The following CTNND1 variants were observed in gnomAD, a reference collection of about 807,000 sequenced individuals.
CTNND1 encodes the protein catenin delta 1.
Under a neutral mutation model 112.1 loss-of-function variants are expected in CTNND1, and 16 were observed. The observed-to-expected ratio is 0.14, with a 90% CI of 0.10 to 0.22. CTNND1 has a LOEUF of 0.22. Ranked by LOEUF, CTNND1 falls within the 10% of genes least tolerant of loss-of-function variation. The probability of loss-of-function intolerance (pLI) is 1.00; values close to 1 mark genes in which losing one functional copy is unlikely to be tolerated. For synonymous variants in CTNND1, 420 were observed against 446.5 expected (o/e 0.94, Z 0.75); for missense variants, 1,008 against 1,257.0 (o/e 0.80, Z 3.00).
intron 2 of CTNND1, among the ~76,000 whole-genome samples, chr11:57,790,184 C>A (rs574717399): frequency 6.6e-6 from 1 of 152,144 alleles, no homozygotes; most frequent in African/African-American, 2.4e-5. Flanking sequence ...TGGGTTCACG[C>A]AATTCTCATG....
chr11:57,762,326 C>A (rs1162352000), intron 1 of CTNND1, among the ~76,000 whole-genome samples: 1 of 152,030 alleles, frequency 6.6e-6, no homozygotes, highest in Non-Finnish European at 1.5e-5. Context: ...GGGGTAAGAG[C>A]AGGTTTGAAA....
In CTNND1 at chr11:57,816,505, T is replaced by A. The variant is rs909414635; in HGVS notation, c.*197T>A. 1.6e-6 allele frequency: 1 copy of A among 612,056 alleles called. No individual in the cohort carries two copies. Among genetic ancestry groups the A allele is most frequent in the African/African-American group, 1.9e-5 (1 of 53,918 alleles). The allele number at this position is 612,056 out of a possible 1,614,324, so 37.9% of individuals were successfully genotyped here. ...TGTGAAGTTTAATTGTCTCAACGCC[T>A]CCCCCTCCCCCATTCCCTCCATTTT... On this transcript the variant is annotated 3_prime_UTR_variant, in exon 21 of 21. Coordinates refer to ENST00000399050, the MANE Select transcript of CTNND1 (RefSeq NM_001085458.2).
chr11:57,780,459 C>T (rs1228120154), intron 1 of CTNND1, among the ~76,000 whole-genome samples: 2 of 152,170 alleles, frequency 1.3e-5, no homozygotes, highest in African/African-American at 2.4e-5. Context: ...TCACTACTTA[C>T]TACTAGTTGA....
chr11:57,805,958 A>T lies in CTNND1; in HGVS notation c.1799A>T (p.Tyr600Phe). Residue 600 changes from tyrosine (Y) to phenylalanine (F), a missense_variant, in exon 10 of 21, where the codon TAC becomes TTC. Tyr to Phe is a conservative substitution (Grantham distance 22). Coordinates refer to ENST00000399050, the MANE Select transcript of CTNND1 (RefSeq NM_001085458.2). The stretch of plus-strand genomic sequence containing the variant: ...CGGGAGATCCCACAGGCAGAGCGTT[A>T]CCAAGAGGCAGCTCCCAATGTTGCC... ...VHREIPQAER[Y>F]QEAAPNVANN... is the part of the protein sequence containing the mutation. 6.2e-7 allele frequency: 1 copy of T among 1,613,280 alleles called. No individual in the cohort carries two copies. Among genetic ancestry groups the T allele is most frequent in the Non-Finnish European group, 8.5e-7 (1 of 1,179,580 alleles).
At chr11:57,799,440 G>A (rs368134078) in intron 6 of CTNND1, among the ~76,000 whole-genome samples, 4 of 152,286 alleles carry the variant, frequency 2.6e-5, no homozygotes, top group Non-Finnish European at 5.9e-5. Context: ...GGTAGCACTG[G>A]ACTTGGAAAC....
At chr11:57,790,125 A>T (rs2136620075) in intron 2 of CTNND1, among the ~76,000 whole-genome samples, 1 of 152,328 alleles carries the variant, frequency 6.6e-6, no homozygotes, top group East Asian at 1.9e-4. Flanking sequence ...TCTGTTGTCC[A>T]GCCTGGAGTG....
At chr11:57,784,564 C>G (rs1005902736) in intron 1 of CTNND1, among the ~76,000 whole-genome samples, 3 of 152,044 alleles carry the variant, frequency 2.0e-5, no homozygotes, top group African/African-American at 7.2e-5. Context: ...AGTGCAGTGG[C>G]ACAATCTCGG....
At chr11:57,768,068 C>T (rs1164039362) in intron 1 of CTNND1, among the ~76,000 whole-genome samples, 7 of 152,150 alleles carry the variant, frequency 4.6e-5, no homozygotes, top group Admixed American at 3.9e-4. Flanking sequence ...CTCCTGACCT[C>T]AAATGATCCA....
chr11:57,818,527 C>G lies in CTNND1; in HGVS notation c.*2219C>G, dbSNP rs1158991304. 1.3e-5 allele frequency: 2 copies of G among 152,506 alleles called. No homozygotes were observed. Among genetic ancestry groups the G allele is most frequent in the Non-Finnish European group, 2.9e-5 (2 of 68,038 alleles). 9.4% of individuals were successfully genotyped at this position (152,506 alleles called of 1,614,324 possible). A position where few individuals can be genotyped will look rare whatever the true frequency, so the allele number is the denominator to read the frequency against. ...GCATCTTTGTTACTTCCTTATGTAT[C>G]AGTGTCCTTTCCAGAGCAACCAGAA... On this transcript the variant is annotated 3_prime_UTR_variant, in exon 21 of 21. Coordinates refer to ENST00000399050, the MANE Select transcript of CTNND1 (RefSeq NM_001085458.2).
At chr11:57,805,737 G>A (rs2062591480) in intron 9 of CTNND1, 145 bp from the exon 10 acceptor site, 1 of 861,958 alleles carries the variant, frequency 1.2e-6, no homozygotes, top group Middle Eastern at 3.7e-4. Flanking sequence ...GAAGCCTGGA[G>A]CACTTAAGAG....
intron 16 of CTNND1, 63 bp from the exon 17 acceptor site, chr11:57,811,336 T>A: frequency 7.5e-7 from 1 of 1,335,288 alleles, no homozygotes; most frequent in South Asian, 1.3e-5. Context: ...TTATGCCCAT[T>A]AGAGCATAAG....
chr11:57,806,069 G>C (rs1310172324), intron 10 of CTNND1, 34 bp downstream of exon 10: 2 of 1,589,140 alleles, frequency 1.3e-6, no homozygotes, highest in Non-Finnish European at 1.7e-6. Context: ...AGTCTTTAAT[G>C]TGGGATAGGG....
At chr11:57,792,814 A>G (rs1442400543) in intron 3 of CTNND1, among the ~76,000 whole-genome samples, 3 of 147,408 alleles carry the variant, frequency 2.0e-5, no homozygotes, top group Non-Finnish European at 3.0e-5. Context: ...CGCGTGAGCT[A>G]CTGCACCCGG....
intron 16 of CTNND1, 112 bp from the exon 17 acceptor site, chr11:57,811,287 C>T: frequency 1.2e-6 from 1 of 812,258 alleles, no homozygotes; most frequent in Non-Finnish European, 2.0e-6. Context: ...TTATAAGTTG[C>T]TTTTTCATGA....
intron 1 of CTNND1, among the ~76,000 whole-genome samples, chr11:57,766,835 C>G (rs1261363439): frequency 6.6e-6 from 1 of 152,086 alleles, no homozygotes; most frequent in Non-Finnish European, 1.5e-5. Context: ...CTGAATTTAC[C>G]ACTTTATTCA....
intron 1 of CTNND1, among the ~76,000 whole-genome samples, chr11:57,783,275 A>C (rs1172420722): frequency 1.3e-5 from 2 of 151,712 alleles, no homozygotes; most frequent in East Asian, 3.9e-4. Context: ...GCAAGACTCC[A>C]TCTCAAAAAC....
At chr11:57,807,371 C>T (rs753326411) in intron 12 of CTNND1, among the ~76,000 whole-genome samples, 1 of 151,952 alleles carries the variant, frequency 6.6e-6, no homozygotes, top group Admixed American at 6.6e-5. Flanking sequence ...TTTGGGAGGC[C>T]GAGGCGGGCA....
Position 57,806,903 on chromosome 11 carries a change from T to C in CTNND1, c.1895-12T>C, listed in dbSNP as rs749741433. On this transcript the variant is annotated splice_polypyrimidine_tract_variant and intron_variant, in intron 11 of 20. Transcript: ENST00000399050. ...GGCTTACCCCTTTTCCCGCCCTTTT[T>C]CATTTTTGTAGGGAAAAAACCTATA... The C allele has an allele frequency of 1.3e-6, 2 of 1,585,710 alleles. No homozygotes were observed. The highest frequency in any genetic ancestry group is 2.3e-5 in the East Asian group (1 of 43,972).
intron 1 of CTNND1, among the ~76,000 whole-genome samples, chr11:57,773,947 A>G (rs1395486797): frequency 1.3e-5 from 2 of 152,038 alleles, no homozygotes; most frequent in East Asian, 3.9e-4. Context: ...AAAAAACAAA[A>G]CAATTTTATT....
Sources: gnomAD v4.1 joint callset for allele counts (sites outside exome capture counted in the v4.1 genomes callset) on GRCh38, gnomAD v4.1.1 for gene constraint, MANE v1.5 for transcripts, NCBI Gene and HGNC (gene_info 2026-07-23, HGNC 2026-07-21) for gene names.